The following TSHZ2 variants were observed in gnomAD, a reference collection of about 807,000 sequenced individuals.
The protein encoded by TSHZ2 is teashirt zinc finger homeobox 2.
TSHZ2 carries 21 observed loss-of-function variants against 74.4 expected under a neutral mutation model. That is an observed-to-expected ratio of 0.28 (90% CI 0.20 to 0.41). TSHZ2 has a LOEUF of 0.41. Among genes scored for constraint, TSHZ2 ranks in the 10% least tolerant of loss-of-function variants. The pLI, the probability that TSHZ2 is intolerant of heterozygous loss-of-function variation, is 1.00. For synonymous variants in TSHZ2, 540 were observed against 515.3 expected (o/e 1.05, Z -0.65); for missense variants, 1,244 against 1,293.5 (o/e 0.96, Z 0.59).
intron 1 of TSHZ2, among the ~76,000 whole-genome samples, chr20:53,226,053 C>T (rs1292288722): frequency 1.3e-5 from 2 of 150,812 alleles, no homozygotes; most frequent in Non-Finnish European, 3.0e-5. Context: ...AGTATGTATA[C>T]ATAGACATTA....
intron 1 of TSHZ2, among the ~76,000 whole-genome samples, chr20:53,054,101 A>G (rs1385451421): frequency 2.0e-5 from 3 of 152,224 alleles, no homozygotes; most frequent in Admixed American, 6.5e-5. Flanking sequence ...TCGAGGAACG[A>G]TGTACCACAA....
chr20:53,001,686 C>T (rs1404556163), intron 1 of TSHZ2, among the ~76,000 whole-genome samples: 1 of 152,180 alleles, frequency 6.6e-6, no homozygotes, highest in South Asian at 2.1e-4. Context: ...AGCCCCACCT[C>T]GTCTTCTGTT....
intron 1 of TSHZ2, among the ~76,000 whole-genome samples, chr20:53,008,985 CTCTCTCTCTCTCTCT>C (rs1982750098): frequency 9.1e-5 from 1 of 10,998 alleles, no homozygotes; most frequent in African/African-American, 1.4e-4. Context: ...TTTCTCCTCT[CTCTCTCTCTCTCTCT>C]CTCTCTCTCT....
chr20:53,486,247 C>A (rs1018929243), intron 2 of TSHZ2, among the ~76,000 whole-genome samples: 1 of 152,158 alleles, frequency 6.6e-6, no homozygotes, highest in African/African-American at 2.4e-5. Flanking sequence ...ATTTTTAGGG[C>A]TAATATTCCG....
chr20:53,400,733 C>T (rs540341601), intron 2 of TSHZ2, among the ~76,000 whole-genome samples: 67 of 152,138 alleles, frequency 4.4e-4, no homozygotes, highest in Non-Finnish European at 8.5e-4. Context: ...AAGGGATGAC[C>T]TCTGTGCATC....
At chr20:53,106,739 C>G (rs1163902954) in intron 1 of TSHZ2, among the ~76,000 whole-genome samples, 1 of 147,088 alleles carries the variant, frequency 6.8e-6, no homozygotes, top group East Asian at 2.0e-4. Context: ...CCTCTGTGGC[C>G]CAGGCTAGGG....
At chr20:53,018,473 G>A (rs1388110066) in intron 1 of TSHZ2, among the ~76,000 whole-genome samples, 1 of 152,140 alleles carries the variant, frequency 6.6e-6, no homozygotes, top group African/African-American at 2.4e-5. Flanking sequence ...CAAACCAGGG[G>A]CTAACAGAAG....
chr20:53,392,739 C>A (rs1982306140), intron 2 of TSHZ2, among the ~76,000 whole-genome samples: 1 of 151,998 alleles, frequency 6.6e-6, no homozygotes, highest in Non-Finnish European at 1.5e-5. Flanking sequence ...TTTGGGGTAC[C>A]TATGCAGGTT....
chr20:53,042,890 T>C (rs1022253890), intron 1 of TSHZ2, among the ~76,000 whole-genome samples: 1 of 152,164 alleles, frequency 6.6e-6, no homozygotes, highest in African/African-American at 2.4e-5. Context: ...AAATATTCAA[T>C]GCAGTATTGT....
rs188410781 is a variant in TSHZ2, at chr20:53,361,942, C to T, written c.*8+105371C>T. On this transcript the variant is annotated intron_variant, in intron 2 of 2. Transcript: ENST00000371497. ...TTTGTGTTTTTTTTTTTTCTGGAGA[C>T]AGAGTCTCACTCTGTCACCCAGGCT... 3.0e-3 allele frequency among the ~76,000 whole-genome samples: 449 copies of T among 150,692 alleles called. 1 individual carries two copies. The highest frequency in any genetic ancestry group is 5.8e-3 in the Non-Finnish European group (390 of 67,736).
chr20:53,298,212 C>T (rs896253462), intron 2 of TSHZ2, among the ~76,000 whole-genome samples: 2 of 152,184 alleles, frequency 1.3e-5, no homozygotes, highest in South Asian at 2.1e-4. Context: ...CTGCTGTACA[C>T]GGAGACATCA....
At chr20:53,365,104 C>T (rs1254692283) in intron 2 of TSHZ2, among the ~76,000 whole-genome samples, 1 of 152,144 alleles carries the variant, frequency 6.6e-6, no homozygotes, top group African/African-American at 2.4e-5. Flanking sequence ...AGATGCCCAA[C>T]TCTACACTAG....
At chr20:53,158,932 C>T (rs1004693523) in intron 1 of TSHZ2, among the ~76,000 whole-genome samples, 9 of 152,246 alleles carry the variant, frequency 5.9e-5, no homozygotes, top group Non-Finnish European at 1.3e-4. Context: ...TACATTGACT[C>T]TCCCTCTTTT....
chr20:53,462,571 G>A (rs926582732), intron 2 of TSHZ2, among the ~76,000 whole-genome samples: 22 of 152,202 alleles, frequency 1.4e-4, no homozygotes, highest in African/African-American at 5.1e-4. Flanking sequence ...TTCTACGCAA[G>A]CTTCCCATTA....
rs144482111 is a variant in TSHZ2, at chr20:53,254,046, G to C, written c.588G>C (p.Gln196His). Residue 196 changes from glutamine (Q) to histidine (H), a missense_variant, in exon 2 of 3, where the codon CAG (glutamine) becomes CAC (histidine). Coordinates refer to ENST00000371497, the MANE Select transcript of TSHZ2 (RefSeq NM_173485.6). Reference protein sequence around the residue: ...VSKPSLFSSVQLYRQSSKMCG... With the variant: ...VSKPSLFSSVHLYRQSSKMCG... ...AACCCAGCCTGTTCAGCTCGGTGCA[G>C]TTGTACCGACAGAGCAGCAAGATGT... The C allele has an allele frequency of 3.1e-6, 5 of 1,614,026 alleles. No homozygotes were observed. The African/African-American group carries it at 6.7e-5, about 22-fold the overall frequency.
intron 2 of TSHZ2, among the ~76,000 whole-genome samples, chr20:53,459,131 T>C (rs926946238): frequency 6.6e-6 from 1 of 152,188 alleles, no homozygotes; most frequent in African/African-American, 2.4e-5. Flanking sequence ...TCTGTCTCAT[T>C]GATCTGTCTA....
At position 53,464,083 on chromosome 20, in the gene TSHZ2, A is replaced by C. The variant is rs373378950; in HGVS notation, c.*9-23061A>C. On this transcript the variant is annotated intron_variant, in intron 2 of 2. Coordinates refer to ENST00000371497, the MANE Select transcript of TSHZ2 (RefSeq NM_173485.6). Reference sequence around the variant, plus strand: ...TACTTTCATTCTGATGATTCTATCAAGGTAGAGCAATGGGCCAAGTCAACA... The same window carrying C: ...TACTTTCATTCTGATGATTCTATCACGGTAGAGCAATGGGCCAAGTCAACA... Among the ~76,000 whole-genome samples, 39 of 152,270 alleles carry C rather than the reference A, an allele frequency of 2.6e-4. No individual in the cohort carries two copies. In the South Asian group the frequency reaches 7.7e-3, roughly 30 times the overall value.
chr20:52,975,894 A>G (rs1165126964), intron 1 of TSHZ2, among the ~76,000 whole-genome samples: 1 of 152,198 alleles, frequency 6.6e-6, no homozygotes, highest in Non-Finnish European at 1.5e-5. Context: ...TTATGGCCAT[A>G]CTAACTTTTA....
At chr20:53,005,081 G>A (rs1383508571) in intron 1 of TSHZ2, among the ~76,000 whole-genome samples, 1 of 152,156 alleles carries the variant, frequency 6.6e-6, no homozygotes. Flanking sequence ...GGGAGGCCGA[G>A]GCCAGAGGAT....
Sources: gnomAD v4.1 joint callset for allele counts (sites outside exome capture counted in the v4.1 genomes callset) on GRCh38, gnomAD v4.1.1 for gene constraint, MANE v1.5 for transcripts, NCBI Gene and HGNC (gene_info 2026-07-23, HGNC 2026-07-21) for gene names.